Variants in TTC28 observed in about 807,000 individuals in gnomAD.
TTC28 encodes the protein tetratricopeptide repeat domain 28, also known as tetratricopeptide repeat protein 28.
A neutral mutation model predicts 198.0 loss-of-function variants in TTC28; 61 were observed. The observed-to-expected ratio is 0.31, with a 90% confidence interval of 0.25 to 0.38. The LOEUF (loss-of-function observed/expected upper bound fraction) is 0.38, where lower values mean the gene tolerates loss of function less well. Ranked by LOEUF, TTC28 falls within the 10% of genes least tolerant of loss-of-function variation. The pLI is 1.00. For synonymous variants in TTC28, 1,171 were observed against 1,297.8 expected (o/e 0.90, Z 2.10); for missense variants, 2,678 against 3,164.0 (o/e 0.85, Z 3.69).
intron 2 of TTC28, among the ~76,000 whole-genome samples, chr22:28,370,144 A>C (rs1448903870): frequency 2.0e-5 from 3 of 152,106 alleles, no homozygotes; most frequent in African/African-American, 7.2e-5. Flanking sequence ...TTTACTCCCC[A>C]TCCCTTTCCC....
chr22:28,420,049 A>G (rs1417277375), intron 2 of TTC28, among the ~76,000 whole-genome samples: 3 of 152,190 alleles, frequency 2.0e-5, no homozygotes, highest in East Asian at 3.8e-4. Context: ...GAAAAGTTAC[A>G]TTTTTGATTG....
Position 27,981,229 on chromosome 22 carries a change from A to ATTTTTTTTTTTTTTTTTTTT in TTC28, c.*991_*992insAAAAAAAAAAAAAAAAAAAA, listed in dbSNP as rs1937001603. 2 of 72,686 alleles carry ATTTTTTTTTTTTTTTTTTTT rather than the reference A, an allele frequency of 2.8e-5. No homozygotes were observed. The highest frequency in any genetic ancestry group is 4.9e-5 in the African/African-American group (1 of 20,420). 4.5% of individuals were successfully genotyped at this position (72,686 alleles called of 1,614,324 possible). A position where few individuals can be genotyped will look rare whatever the true frequency, so the allele number is the denominator to read the frequency against. ...CTGGTTAAATCTAGTTAGCCATGGA[A>ATTTTTTTTTTTTTTTTTTTT]ATTTTTTTTTTTTTTTTTTTTTTTT... On this transcript the variant is annotated 3_prime_UTR_variant, in exon 23 of 23. Coordinates refer to ENST00000397906, the MANE Select transcript of TTC28 (RefSeq NM_001145418.2).
chr22:27,985,130 A>G (rs1341903409), intron 22 of TTC28, 119 bp downstream of exon 22: 3 of 720,420 alleles, frequency 4.2e-6, no homozygotes, highest in Middle Eastern at 3.9e-4. Flanking sequence ...CCTAACAAAC[A>G]TACACAAAAA....
rs539935226 is a variant in TTC28 at position 28,107,939 on chromosome 22, C to T, written c.1906G>A (p.Val636Ile). The part of the protein sequence containing the change: ...DLQDMEGEGK[V>I]CHNLGYAHYC... ...TGGGCATAGCCAAGATTGTGGCAGACCTTCCCTTCTCCTTCCATGTCTTGA... is the reference window on the plus strand; with the variant it reads ...TGGGCATAGCCAAGATTGTGGCAGATCTTCCCTTCTCCTTCCATGTCTTGA... Residue 636 changes from valine to isoleucine, a missense_variant, in exon 7 of 23, where the codon GTC (valine) becomes ATC (isoleucine). Physicochemically the swap from Val to Ile is conservative, Grantham distance 29. This residue lies in a region of TTC28 where 775 missense variants were observed against 845.9 expected (regional missense o/e 0.92). Transcript: ENST00000397906. The T allele has an allele frequency of 3.2e-6, 5 of 1,551,694 alleles. No individual in the cohort carries two copies. Among genetic ancestry groups the T allele is most frequent in the Middle Eastern group, 1.7e-4 (1 of 5,988 alleles).
At chr22:28,098,778 G>T in intron 10 of TTC28, 137 bp downstream of exon 10, 1 of 1,082,954 alleles carries the variant, frequency 9.2e-7, no homozygotes, top group Non-Finnish European at 1.3e-6. Flanking sequence ...TTGACTGGTT[G>T]TAGTTGTGGC....
At chr22:28,414,018 A>T (rs752216224) in intron 2 of TTC28, among the ~76,000 whole-genome samples, 1 of 152,252 alleles carries the variant, frequency 6.6e-6, no homozygotes, top group Non-Finnish European at 1.5e-5. Context: ...TATGAAACCT[A>T]GACACATGTC....
chr22:28,098,146 G>A (rs996525160), intron 10 of TTC28, among the ~76,000 whole-genome samples: 13 of 152,228 alleles, frequency 8.5e-5, no homozygotes, highest in Admixed American at 3.9e-4. Context: ...CTGCCCCACT[G>A]TGATGGGGCA....
chr22:28,280,784 T>A (rs528819453), intron 5 of TTC28, among the ~76,000 whole-genome samples: 1 of 152,340 alleles, frequency 6.6e-6, no homozygotes, highest in East Asian at 1.9e-4. Flanking sequence ...GCAGGTCTGT[T>A]GATAATTTTC....
chr22:28,249,864 G>A (rs190963594), intron 5 of TTC28, among the ~76,000 whole-genome samples: 15 of 152,086 alleles, frequency 9.9e-5, no homozygotes, highest in African/African-American at 3.1e-4. Context: ...CTCAGAGGTC[G>A]GGCCTGAAGA....
chr22:28,616,137 T>C (rs1003302679), intron 2 of TTC28, among the ~76,000 whole-genome samples: 1 of 152,190 alleles, frequency 6.6e-6, no homozygotes, highest in African/African-American at 2.4e-5. Flanking sequence ...AATGGACTCC[T>C]TTGTCCAGGG....
chr22:28,571,001 T>C (rs1274986753), intron 2 of TTC28, among the ~76,000 whole-genome samples: 2 of 152,216 alleles, frequency 1.3e-5, no homozygotes, highest in Non-Finnish European at 2.9e-5. Context: ...CATTTTTTTT[T>C]CCTGACTGTA....
rs970053746 is a variant in TTC28 at position 28,604,221 on chromosome 22, T to C, written c.381+25331A>G. ...TGAACCCGAGAGGCAGATGTTACGG[T>C]GAGCAGAGATGGTATCACTGCACTC... is the stretch of plus-strand genomic sequence containing the variant. On this transcript the variant is annotated intron_variant, in intron 2 of 22. Transcript: ENST00000397906. 1.8e-4 allele frequency among the ~76,000 whole-genome samples: 26 copies of C among 148,300 alleles called. 2 individuals carry two copies. The South Asian group carries it at 3.4e-3, about 20-fold the overall frequency.
rs201715770 is a variant in TTC28, at chr22:28,441,888, A to T, written c.382-135245T>A. 3.9e-3 allele frequency among the ~76,000 whole-genome samples: 309 copies of T among 78,540 alleles called. 6 individuals are homozygous for T. The East Asian group carries it at 0.075, about 19-fold the overall frequency. The allele number at this position is 78,540 out of a possible 152,430, so 51.5% of individuals were successfully genotyped here. A position where few individuals can be genotyped will look rare whatever the true frequency, so the allele number is the denominator to read the frequency against. The stretch of plus-strand genomic sequence containing the variant: ...CGGCCAAATGAGGTATTTGAAGTTT[A>T]AAAAAAAAAAAAAAAAAAGGCCTGT... On this transcript the variant is annotated intron_variant, in intron 2 of 22. Coordinates refer to ENST00000397906, the MANE Select transcript of TTC28 (RefSeq NM_001145418.2).
At chr22:28,494,403 G>T in intron 2 of TTC28, among the ~76,000 whole-genome samples, 1 of 152,162 alleles carries the variant, frequency 6.6e-6, no homozygotes, top group East Asian at 1.9e-4. Flanking sequence ...AGGCCAATTA[G>T]AAACTGTCAA....
At chr22:28,655,704 AGCCAGGCGCCGT>A (rs1375492179) in intron 1 of TTC28, among the ~76,000 whole-genome samples, 3 of 152,096 alleles carry the variant, frequency 2.0e-5, no homozygotes, top group Non-Finnish European at 4.4e-5. Context: ...ACAAAAACTT[AGCCAGGCGCCGT>A]GGCGGGCGCC....
At chr22:28,531,087 T>C (rs1025880616) in intron 2 of TTC28, among the ~76,000 whole-genome samples, 4 of 152,102 alleles carry the variant, frequency 2.6e-5, no homozygotes, top group Admixed American at 2.0e-4. Flanking sequence ...ATGGACTAAA[T>C]GCTCCAATTA....
At chr22:28,215,423 G>C (rs1311370980) in intron 5 of TTC28, among the ~76,000 whole-genome samples, 15 of 152,138 alleles carry the variant, frequency 9.9e-5, no homozygotes, top group Non-Finnish European at 1.5e-5. Context: ...TCCAATGATG[G>C]ATCATATTAA....
chr22:28,023,100 T>A (rs1393340762), intron 13 of TTC28, among the ~76,000 whole-genome samples: 4 of 152,210 alleles, frequency 2.6e-5, no homozygotes, highest in African/African-American at 9.6e-5. Context: ...TGGAGCCGCA[T>A]GTGGCTTCTC....
intron 2 of TTC28, among the ~76,000 whole-genome samples, chr22:28,363,531 C>T (rs1218971989): frequency 6.6e-6 from 1 of 152,130 alleles, no homozygotes; most frequent in Non-Finnish European, 1.5e-5. Flanking sequence ...TGGGGCACCG[C>T]CTAGTGGAGC....
Sources: allele counts gnomAD v4.1 joint callset (sites outside exome capture counted in the v4.1 genomes callset), GRCh38; gene constraint gnomAD v4.1.1; regional missense constraint gnomAD v4.1.1; transcripts MANE v1.5; gene names NCBI Gene and HGNC (gene_info 2026-07-23, HGNC 2026-07-21).